KANK3: variants seen among roughly 807,000 people sequenced by gnomAD.
The protein encoded by KANK3 is KN motif and ankyrin repeat domains 3.
Under a neutral mutation model 65.4 loss-of-function variants are expected in KANK3, and 61 were observed. The observed-to-expected ratio is 0.93, with a 90% CI of 0.76 to 1.15. The LOEUF (loss-of-function observed/expected upper bound fraction) is 1.15, where lower values mean the gene tolerates loss of function less well. KANK3 is among the 50% of genes most tolerant of loss of function. KANK3 has a pLI of 0.00. For synonymous variants in KANK3, 586 were observed against 543.3 expected, an observed-to-expected ratio of 1.08 and a Z score of -1.09; for missense variants, 1,187 against 1,178.8, an observed-to-expected ratio of 1.01 and a Z score of -0.10.
intron 1 of KANK3, among the ~76,000 whole-genome samples, chr19:8,342,693 A>C (rs1599656472): frequency 7.5e-6 from 1 of 132,766 alleles, no homozygotes; most frequent in African/African-American, 2.8e-5. Flanking sequence ...TGGGTGGGGG[A>C]CCGGTGGCGG....
In KANK3 at chr19:8,333,892, C is replaced by A. The variant is rs916331349; in HGVS notation, c.1634+18G>T. 1 of 1,570,464 alleles carries A rather than the reference C, an allele frequency of 6.4e-7. No homozygotes were observed. The highest frequency in any genetic ancestry group is 1.4e-5 in the African/African-American group (1 of 73,752). On this transcript the variant is annotated intron_variant, in intron 5 of 10. Transcript: ENST00000330915. This position sits in a 1 kb window ranked among gnomAD's most constrained non-coding sequence, Gnocchi z 5.0. ...GGGCAGCCGCCTCCTCTCCAAACAA[C>A]TAGCGAGCGCCGCTCACCTCCCCTG...
intron 2 of KANK3, among the ~76,000 whole-genome samples, chr19:8,336,739 C>A (rs866348695): frequency 6.2e-3 from 660 of 107,130 alleles, no homozygotes; most frequent in South Asian, 0.01. Context: ...GACCCTGTCT[C>A]AAAAAAAAAA....
chr19:8,336,606 A>ACC (rs1970643720), intron 2 of KANK3, among the ~76,000 whole-genome samples: 1 of 143,454 alleles, frequency 7.0e-6, no homozygotes, highest in African/African-American at 2.5e-5. Flanking sequence ...ATATATATAC[A>ACC]TAGCTGTGCA....
chr19:8,333,640 C>T lies in KANK3; in HGVS notation c.1719+84G>A. 1 of 1,143,276 alleles carries T rather than the reference C, an allele frequency of 8.7e-7. No homozygotes were observed. Among genetic ancestry groups the T allele is most frequent in the Non-Finnish European group, 1.2e-6 (1 of 844,876 alleles). 70.8% of individuals were successfully genotyped at this position (1,143,276 alleles called of 1,614,324 possible). ...AGGTGCCTGGCGGGAAGGGATGGAA[C>T]CCGGTGTGCTCCCCTAAGTGGGCGT... On this transcript the variant is annotated intron_variant, in intron 6 of 10. Transcript: ENST00000330915. The surrounding 1 kb of genome is among the most constrained non-coding windows in gnomAD (Gnocchi z 5.0).
At chr19:8,329,960 A>G (rs1970496250) in intron 7 of KANK3, among the ~76,000 whole-genome samples, 1 of 152,176 alleles carries the variant, frequency 6.6e-6, no homozygotes. Context: ...TGCAGCAAGG[A>G]TTAGGCTGGA....
rs1206711323 is a variant in KANK3 at position 8,326,631 on chromosome 19, C to CAAAA, written c.1937-1539_1937-1536dup. ...TGAAACCCCGTCTCTACTAAAAATACAAAAAAAAAAAAAAAATTAGTCGGG... is the reference window on the plus strand; with the variant it reads ...TGAAACCCCGTCTCTACTAAAAATACAAAAAAAAAAAAAAAAAAAATTAGTCGGG... On this transcript the variant is annotated intron_variant, in intron 7 of 10. Transcript: ENST00000330915. 1.3e-3 allele frequency among the ~76,000 whole-genome samples: 166 copies of CAAAA among 128,408 alleles called. 2 individuals are homozygous for CAAAA. Among genetic ancestry groups the CAAAA allele is most frequent in the South Asian group, 4.7e-3 (19 of 4,058 alleles). 84.2% of individuals were successfully genotyped at this position (128,408 alleles called of 152,430 possible).
intron 1 of KANK3, among the ~76,000 whole-genome samples, chr19:8,338,489 T>C (rs1467961219): frequency 2.6e-5 from 4 of 152,072 alleles, no homozygotes; most frequent in Non-Finnish European, 4.4e-5. Context: ...TCTGATAATC[T>C]CTGGGGAAAA....
intron 3 of KANK3, 35 bp downstream of exon 3, chr19:8,334,465 G>A: frequency 6.2e-7 from 1 of 1,610,296 alleles, no homozygotes; most frequent in Non-Finnish European, 8.5e-7. Flanking sequence ...CCGGCGCCGA[G>A]TAAGCCAGGG....
At chr19:8,342,633 G>A (rs894929915) in intron 1 of KANK3, among the ~76,000 whole-genome samples, 30 of 143,790 alleles carry the variant, frequency 2.1e-4, no homozygotes, top group African/African-American at 7.5e-4. Context: ...GAGGCCCTGA[G>A]TACTGGCAGC....
intron 2 of KANK3, among the ~76,000 whole-genome samples, chr19:8,336,451 GCC>G (rs1263989372): frequency 2.1e-5 from 3 of 146,104 alleles, no homozygotes; most frequent in Non-Finnish European, 3.0e-5. Flanking sequence ...AAAAAAAGTA[GCC>G]CTGGCCGGGC....
intron 7 of KANK3, among the ~76,000 whole-genome samples, chr19:8,328,999 C>T (rs1223070792): frequency 6.8e-6 from 1 of 146,212 alleles, no homozygotes; most frequent in Admixed American, 7.0e-5. Context: ...GAAACCCCAT[C>T]TCTACTAAAA....
intron 7 of KANK3, among the ~76,000 whole-genome samples, chr19:8,326,500 A>AC (rs1231751860): frequency 4.3e-5 from 5 of 115,120 alleles, no homozygotes; most frequent in African/African-American, 1.7e-4. Flanking sequence ...AAAAAAAAAA[A>AC]AAAAAAGCCA....
At chr19:8,325,814 C>T (rs1297989763) in intron 7 of KANK3, among the ~76,000 whole-genome samples, 3 of 152,042 alleles carry the variant, frequency 2.0e-5, no homozygotes, top group Non-Finnish European at 2.9e-5. Context: ...AGGTTCCACA[C>T]AGCAGCCAGG....
Position 8,334,755 on chromosome 19 carries a change from G to A in KANK3, c.1072C>T (p.Leu358=). The change falls in exon 3 of 11, where the codon CTG becomes TTG. Residue 358 remains leucine, a synonymous_variant. Coordinates refer to ENST00000330915, the MANE Select transcript of KANK3 (RefSeq NM_198471.3). ...CGCTGGTGCTCCAGACTGGCGCGCA[G>A]CAGCTCTAGCTCGCGCTCGGCGGCC... ...PAAAERELEL[L]RASLEHQRGV... 1 of 1,525,464 alleles carries A rather than the reference G, an allele frequency of 6.6e-7. No homozygotes were observed. The highest frequency in any genetic ancestry group is 8.7e-7 in the Non-Finnish European group (1 of 1,143,876). The allele number at this position is 1,525,464 out of a possible 1,614,324, so 94.5% of individuals were successfully genotyped here.
At position 8,335,524 on chromosome 19, in the gene KANK3, T is replaced by C. The variant is rs1053856978; in HGVS notation, c.303A>G (p.Gly101=). The part of the protein sequence containing the change: ...SSESLASDDG[G]APGILSQGAP... ...CGCCCTGGGAGAGTATGCCCGGTGC[T>C]CCACCGTCGTCACTGGCCAGGGACT... Residue 101 remains glycine (G), a synonymous_variant, in exon 3 of 11, where the codon GGA becomes GGG. Coordinates refer to ENST00000330915, the MANE Select transcript of KANK3 (RefSeq NM_198471.3). The C allele has an allele frequency of 2.3e-5, 28 of 1,225,388 alleles. No homozygotes were observed. Among genetic ancestry groups the C allele is most frequent in the Non-Finnish European group, 2.6e-5 (25 of 976,466 alleles). The allele number at this position is 1,225,388 out of a possible 1,614,324, so 75.9% of individuals were successfully genotyped here.
intron 1 of KANK3, among the ~76,000 whole-genome samples, chr19:8,343,007 G>T (rs1292658380): frequency 6.6e-6 from 1 of 152,176 alleles, no homozygotes; most frequent in Non-Finnish European, 1.5e-5. Flanking sequence ...CGAGAGGGGG[G>T]CAAGCCCACG....
chr19:8,339,353 C>G (rs1192628771), intron 1 of KANK3, among the ~76,000 whole-genome samples: 1 of 123,998 alleles, frequency 8.1e-6, no homozygotes, highest in Non-Finnish European at 1.7e-5. Context: ...GAGACCCTAT[C>G]TCTTTTTGTT....
At chr19:8,338,107 C>A (rs532207357) in intron 1 of KANK3, 60 of 376,498 alleles carry the variant, frequency 1.6e-4, no homozygotes, top group African/African-American at 1.1e-3. Context: ...TTGCAGCCTC[C>A]CCCTCCCGGG....
intron 1 of KANK3, among the ~76,000 whole-genome samples, chr19:8,342,517 C>A (rs941255506): frequency 1.3e-5 from 2 of 152,198 alleles, no homozygotes; most frequent in Non-Finnish European, 2.9e-5. Flanking sequence ...CCCTCTCCCG[C>A]CCCAGGGACT....
Sources: allele counts gnomAD v4.1 joint callset (sites outside exome capture counted in the v4.1 genomes callset), GRCh38; gene constraint gnomAD v4.1.1; non-coding constraint Gnocchi (gnomAD v3.1); transcripts MANE v1.5; gene names NCBI Gene and HGNC (gene_info 2026-07-23, HGNC 2026-07-21).